Variants in NTM observed in about 807,000 individuals in gnomAD.
NTM encodes neurotrimin, also known as IgLON family member 2.
NTM carries 13 observed loss-of-function variants against 42.1 expected under a neutral mutation model. That is an observed-to-expected ratio of 0.31 (90% CI 0.20 to 0.49). The LOEUF is 0.49. Among genes scored for constraint, NTM ranks in the 20% least tolerant of loss-of-function variants. The pLI, the probability that NTM is intolerant of heterozygous loss-of-function variation, is 0.99. For missense variants in NTM, 373 were observed against 452.8 expected, an observed-to-expected ratio of 0.82 and a Z score of 1.60; for synonymous variants, 187 against 179.2, an observed-to-expected ratio of 1.04 and a Z score of -0.35.
chr11:131,752,948 C>T (rs1286756440), intron 1 of NTM, among the ~76,000 whole-genome samples: 1 of 152,110 alleles, frequency 6.6e-6, no homozygotes, highest in African/African-American at 2.4e-5. Context: ...TCAGAGTGAA[C>T]AGGCAACCTA....
intron 1 of NTM, among the ~76,000 whole-genome samples, chr11:131,410,537 A>C (rs1447592248): frequency 1.3e-5 from 2 of 149,478 alleles, no homozygotes; most frequent in African/African-American, 4.9e-5. Context: ...AAAAAAAAAA[A>C]AAAAAACAGA....
chr11:132,209,121 G>A (rs1208774881), intron 3 of NTM, among the ~76,000 whole-genome samples: 1 of 152,150 alleles, frequency 6.6e-6, no homozygotes, highest in Admixed American at 6.5e-5. Flanking sequence ...GTCTATTTTT[G>A]CAATGATCAA....
At chr11:131,565,383 G>A (rs75981925) in intron 1 of NTM, among the ~76,000 whole-genome samples, 1,903 of 152,272 alleles carry the variant, frequency 0.012, 38 homozygotes, top group African/African-American at 0.043. Flanking sequence ...CAGGTAGAGC[G>A]TCTCCTCGTG....
At chr11:132,037,988 T>C (rs934171765) in intron 2 of NTM, among the ~76,000 whole-genome samples, 11 of 152,180 alleles carry the variant, frequency 7.2e-5, no homozygotes, top group Admixed American at 6.5e-4. Flanking sequence ...AAATTAACTA[T>C]GTAAATAGGC....
chr11:131,757,584 G>A (rs1232466979), intron 1 of NTM, among the ~76,000 whole-genome samples: 6 of 152,156 alleles, frequency 3.9e-5, no homozygotes, highest in East Asian at 1.9e-4. Flanking sequence ...GGTGAGACGG[G>A]GCTGAGTAAA....
chr11:131,821,960 G>T (rs2093208605), intron 1 of NTM, among the ~76,000 whole-genome samples: 1 of 152,146 alleles, frequency 6.6e-6, no homozygotes, highest in Non-Finnish European at 1.5e-5. Flanking sequence ...CCTTGATTCT[G>T]TACCTCTCCT....
At chr11:132,275,237 T>G (rs2093659549) in intron 4 of NTM, among the ~76,000 whole-genome samples, 2 of 152,110 alleles carry the variant, frequency 1.3e-5, no homozygotes, top group South Asian at 4.1e-4. Flanking sequence ...CATTGAGATA[T>G]TTTTTCATTT....
chr11:131,844,080 G>A (rs2044628340), intron 1 of NTM, among the ~76,000 whole-genome samples: 1 of 151,976 alleles, frequency 6.6e-6, no homozygotes, highest in Non-Finnish European at 1.5e-5. Context: ...GTGTGCGTTT[G>A]TGTTGGCATA....
intron 1 of NTM, among the ~76,000 whole-genome samples, chr11:131,502,342 A>C (rs1484528452): frequency 6.6e-6 from 1 of 152,116 alleles, no homozygotes; most frequent in Non-Finnish European, 1.5e-5. Flanking sequence ...ATCTGTTGGC[A>C]CCTTAATCAT....
At chr11:131,470,262 C>T (rs950202256) in intron 1 of NTM, among the ~76,000 whole-genome samples, 1 of 152,182 alleles carries the variant, frequency 6.6e-6, no homozygotes, top group Non-Finnish European at 1.5e-5. Context: ...CAAGAGAGTT[C>T]TCAGTTGTCT....
chr11:131,502,612 C>T (rs181814084), intron 1 of NTM: 8 of 152,372 alleles, frequency 5.3e-5, no homozygotes, highest in Admixed American at 5.2e-4. Context: ...TCTCTGGCAT[C>T]CTGACCCACA....
chr11:132,262,386 A>G (rs1406663779), intron 4 of NTM, among the ~76,000 whole-genome samples: 2 of 152,158 alleles, frequency 1.3e-5, no homozygotes, highest in Non-Finnish European at 2.9e-5. Context: ...TAAGGCTGCT[A>G]TAACAAAATA....
intron 7 of NTM, chr11:132,317,520 CTTT>C: frequency 5.1e-6 from 2 of 389,656 alleles, no homozygotes; most frequent in Non-Finnish European, 9.0e-6. Flanking sequence ...TTCTGTCTTC[CTTT>C]TTTTTATATA....
At chr11:131,645,902 C>T (rs2174644) in intron 1 of NTM, among the ~76,000 whole-genome samples, 133,866 of 152,278 alleles carry the variant, frequency 0.88, 58,985 homozygotes, top group African/African-American at 0.93. Context: ...ACGTTCATGA[C>T]GTTTGGCTTT....
chr11:131,995,377 T>C (rs1472026076), intron 2 of NTM, among the ~76,000 whole-genome samples: 3 of 152,000 alleles, frequency 2.0e-5, no homozygotes, highest in African/African-American at 7.2e-5. Context: ...AGGTTGAGGA[T>C]CTAGTGAGTG....
chr11:131,419,125 A>T (rs985242367), intron 1 of NTM, among the ~76,000 whole-genome samples: 6 of 151,432 alleles, frequency 4.0e-5, no homozygotes, highest in Admixed American at 4.0e-4. Flanking sequence ...CCTACCATGA[A>T]CTGAGTTGAA....
At chr11:132,299,123 G>A (rs567325430) in intron 4 of NTM, among the ~76,000 whole-genome samples, 4 of 148,878 alleles carry the variant, frequency 2.7e-5, no homozygotes, top group Admixed American at 6.7e-5. Context: ...ATGAAACCCC[G>A]TCTCTACTGA....
chr11:132,056,796 C>T (rs1048685172), intron 2 of NTM, among the ~76,000 whole-genome samples: 6 of 152,160 alleles, frequency 3.9e-5, no homozygotes, highest in African/African-American at 1.4e-4. Flanking sequence ...AGAGATGATC[C>T]TCAACCTTTG....
intron 4 of NTM, among the ~76,000 whole-genome samples, chr11:132,242,211 A>G (rs895980586): frequency 5.3e-5 from 8 of 152,204 alleles, no homozygotes; most frequent in African/African-American, 1.9e-4. Context: ...CTGGAAGTCA[A>G]GCTGTCTTGA....
Sources: allele counts gnomAD v4.1 joint callset (sites outside exome capture counted in the v4.1 genomes callset), GRCh38; gene constraint gnomAD v4.1.1; transcripts MANE v1.5; gene names NCBI Gene and HGNC (gene_info 2026-07-23, HGNC 2026-07-21).